The following DLC1 variants were observed in gnomAD, a reference collection of about 807,000 sequenced individuals.
The protein encoded by DLC1 is DLC1 Rho GTPase activating protein.
A neutral mutation model predicts 140.3 loss-of-function variants in DLC1; 54 were observed. The observed-to-expected ratio is 0.38, with a 90% confidence interval of 0.31 to 0.48. The LOEUF is 0.48. Among genes scored for constraint, DLC1 ranks in the 20% least tolerant of loss-of-function variants. The pLI is 0.96. For missense variants in DLC1, 2,536 were observed against 1,907.0 expected (o/e 1.33, Z -6.14); for synonymous variants, 986 against 728.1 (o/e 1.35, Z -5.70).
At chr8:13,460,278 C>A (rs943734510) in intron 2 of DLC1, among the ~76,000 whole-genome samples, 4 of 152,216 alleles carry the variant, frequency 2.6e-5, no homozygotes, top group African/African-American at 9.7e-5. Context: ...TGTTTCTCCT[C>A]TGCATACAAA....
chr8:13,466,797 A>C (rs558053456), intron 2 of DLC1, among the ~76,000 whole-genome samples: 1 of 152,332 alleles, frequency 6.6e-6, no homozygotes, highest in East Asian at 1.9e-4. Context: ...TTTATTTTTT[A>C]ATCATTAAAA....
intron 1 of DLC1, among the ~76,000 whole-genome samples, chr8:13,531,234 C>T (rs988835374): frequency 2.0e-5 from 3 of 152,184 alleles, no homozygotes; most frequent in Non-Finnish European, 4.4e-5. Context: ...TAATAATTTG[C>T]TATAGCAGCC....
intron 4 of DLC1, among the ~76,000 whole-genome samples, chr8:13,330,439 C>G (rs1183751376): frequency 6.6e-6 from 1 of 152,226 alleles, no homozygotes; most frequent in East Asian, 1.9e-4. Flanking sequence ...GTCTACCTTG[C>G]TGAGCTAGGT....
chr8:13,523,128 C>T (rs984765208), intron 1 of DLC1, among the ~76,000 whole-genome samples: 4 of 152,136 alleles, frequency 2.6e-5, no homozygotes, highest in African/African-American at 9.7e-5. Context: ...ATCTACTTTA[C>T]ATTTTAATAA....
intron 2 of DLC1, among the ~76,000 whole-genome samples, chr8:13,444,209 C>T (rs1233347019): frequency 6.6e-6 from 1 of 152,058 alleles, no homozygotes; most frequent in Non-Finnish European, 1.5e-5. Flanking sequence ...GACAGACAAC[C>T]AAATACCTCA....
chr8:13,393,787 C>G (rs1352215149), intron 3 of DLC1, 94 bp from the exon 4 acceptor site: 3 of 1,430,272 alleles, frequency 2.1e-6, no homozygotes, highest in Non-Finnish European at 2.9e-6. Flanking sequence ...TCTTCTTTCT[C>G]CCAGTGCACA....
At chr8:13,423,864 C>A (rs1838432494) in intron 2 of DLC1, among the ~76,000 whole-genome samples, 1 of 152,100 alleles carries the variant, frequency 6.6e-6, no homozygotes, top group African/African-American at 2.4e-5. Context: ...TTCTAAACGT[C>A]CTTGTGGACT....
intron 4 of DLC1, among the ~76,000 whole-genome samples, chr8:13,359,563 A>G (rs1179895487): frequency 6.6e-6 from 1 of 152,146 alleles, no homozygotes; most frequent in Non-Finnish European, 1.5e-5. Context: ...TAAACGATGC[A>G]TTGGAAAGGA....
At chr8:13,139,994 G>A (rs779769757) in intron 5 of DLC1, among the ~76,000 whole-genome samples, 3 of 152,196 alleles carry the variant, frequency 2.0e-5, no homozygotes, top group South Asian at 2.1e-4. Context: ...GACGATCACC[G>A]TTATCCATCT....
intron 1 of DLC1, chr8:13,584,670 C>T (rs1805238127): frequency 6.6e-6 from 1 of 152,102 alleles, no homozygotes; most frequent in Non-Finnish European, 1.5e-5. Flanking sequence ...ACAATGATTG[C>T]AGGTATATAT....
At chr8:13,157,779 T>G (rs1373987628) in intron 5 of DLC1, among the ~76,000 whole-genome samples, 2 of 152,252 alleles carry the variant, frequency 1.3e-5, no homozygotes, top group Non-Finnish European at 2.9e-5. Flanking sequence ...AACTTAGCTT[T>G]TATAATTTTT....
intron 5 of DLC1, among the ~76,000 whole-genome samples, chr8:13,154,475 C>G (rs543153960): frequency 6.6e-6 from 1 of 152,330 alleles, no homozygotes; most frequent in East Asian, 1.9e-4. Context: ...CCGGCGGTGC[C>G]GGCCAGCTGC....
At chr8:13,161,696 T>A (rs1311326595) in intron 5 of DLC1, among the ~76,000 whole-genome samples, 1 of 152,164 alleles carries the variant, frequency 6.6e-6, no homozygotes, top group Non-Finnish European at 1.5e-5. Context: ...TATATGTACC[T>A]CTGTTCCTTA....
intron 4 of DLC1, among the ~76,000 whole-genome samples, chr8:13,373,472 T>A (rs1460099141): frequency 6.6e-6 from 1 of 152,244 alleles, no homozygotes; most frequent in Non-Finnish European, 1.5e-5. Flanking sequence ...TAAACCCAGT[T>A]GTCCTGATCT....
intron 1 of DLC1, chr8:13,567,311 T>C (rs1366023535): frequency 9.7e-6 from 15 of 1,551,510 alleles, no homozygotes; most frequent in Non-Finnish European, 1.2e-5. Flanking sequence ...GACACCAAAC[T>C]TCCAACAGAA....
rs190823766 is a variant in DLC1, at chr8:13,542,730, C to T, written c.-125-42534G>A. ...AATTTTTGTTAAATTTATCCATAAA[C>T]GTTTTATATTTTTGATGCTTTTTCT... On this transcript the variant is annotated intron_variant, in intron 1 of 1. Transcript: ENST00000631382. 3.3e-5 allele frequency among the ~76,000 whole-genome samples: 5 copies of T among 152,002 alleles called. No homozygotes were observed. In the South Asian group the frequency reaches 6.2e-4, roughly 19 times the overall value.
chr8:13,573,929 G>C (rs1804750746), intron 1 of DLC1, among the ~76,000 whole-genome samples: 1 of 152,124 alleles, frequency 6.6e-6, no homozygotes, highest in African/African-American at 2.4e-5. Context: ...CGCAAGTGTA[G>C]AGACTCCCTC....
chr8:13,187,071 G>C (rs1008527007), intron 5 of DLC1, among the ~76,000 whole-genome samples: 6 of 152,158 alleles, frequency 3.9e-5, no homozygotes, highest in African/African-American at 1.2e-4. Context: ...AGCCACCTAT[G>C]TGAGGTGTCT....
At chr8:13,359,893 A>G (rs569991796) in intron 4 of DLC1, among the ~76,000 whole-genome samples, 1 of 152,360 alleles carries the variant, frequency 6.6e-6, no homozygotes, top group East Asian at 1.9e-4. Context: ...AATGAAAATC[A>G]TAAATGTTCA....
Sources: gnomAD v4.1 joint callset for allele counts (sites outside exome capture counted in the v4.1 genomes callset) on GRCh38, gnomAD v4.1.1 for gene constraint, MANE v1.5 for transcripts, NCBI Gene and HGNC (gene_info 2026-07-23, HGNC 2026-07-21) for gene names.